DIAPH3: variants seen among roughly 807,000 people sequenced by gnomAD.
The protein encoded by DIAPH3 is protein diaphanous homolog 3.
In DIAPH3, 117 loss-of-function variants were observed where a neutral mutation model predicts 144.3. That is an observed-to-expected ratio of 0.81 (90% CI 0.70 to 0.95). DIAPH3 has a LOEUF of 0.95. Ranked by LOEUF, DIAPH3 falls within the 40% of genes least tolerant of loss-of-function variation. DIAPH3 has a pLI of 0.00. For missense variants in DIAPH3, 1,421 were observed against 1,412.7 expected (o/e 1.01, Z -0.09); for synonymous variants, 519 against 488.9 (o/e 1.06, Z -0.81).
intron 24 of DIAPH3, among the ~76,000 whole-genome samples, chr13:59,812,412 G>A: frequency 6.6e-6 from 1 of 152,122 alleles, no homozygotes; most frequent in Admixed American, 6.5e-5. Context: ...AGAGAGGAAA[G>A]GAAGGCGGAG....
intron 27 of DIAPH3, among the ~76,000 whole-genome samples, chr13:59,699,606 C>T (rs2033994214): frequency 6.6e-6 from 1 of 152,186 alleles, no homozygotes; most frequent in South Asian, 2.1e-4. Context: ...CAGTAATTCA[C>T]TCCATCTTAA....
intron 20 of DIAPH3, among the ~76,000 whole-genome samples, chr13:59,887,737 T>C (rs2045542441): frequency 6.6e-6 from 1 of 152,128 alleles, no homozygotes; most frequent in Non-Finnish European, 1.5e-5. Context: ...AGAAGTATCT[T>C]GATTTTCTAA....
intron 20 of DIAPH3, among the ~76,000 whole-genome samples, chr13:59,880,705 T>A (rs1189313588): frequency 1.3e-5 from 2 of 152,062 alleles, no homozygotes; most frequent in Non-Finnish European, 2.9e-5. Flanking sequence ...AAAGAATTAG[T>A]TCTTTGTACA....
chr13:60,154,124 A>G (rs892736322), intron 1 of DIAPH3, among the ~76,000 whole-genome samples: 7 of 152,268 alleles, frequency 4.6e-5, no homozygotes, highest in Admixed American at 4.6e-4. Flanking sequence ...TAAGTTTTCC[A>G]AGATTAGAAA....
intron 27 of DIAPH3, chr13:59,695,128 T>C (rs1040453635): frequency 4.6e-5 from 7 of 152,224 alleles, no homozygotes; most frequent in African/African-American, 1.7e-4. Flanking sequence ...TAGGCTTCAT[T>C]TGTACCTGTG....
At chr13:59,948,713 G>C (rs979962248) in intron 17 of DIAPH3, among the ~76,000 whole-genome samples, 13 of 152,142 alleles carry the variant, frequency 8.5e-5, no homozygotes, top group African/African-American at 3.1e-4. Context: ...CTCCCACCTT[G>C]GCCTCCCAAA....
At chr13:59,682,789 G>A (rs1265255577) in intron 27 of DIAPH3, among the ~76,000 whole-genome samples, 2 of 151,998 alleles carry the variant, frequency 1.3e-5, no homozygotes, top group Non-Finnish European at 2.9e-5. Context: ...AAAACATAGC[G>A]ATGCCAACTT....
chr13:59,865,430 G>A (rs551770206), intron 21 of DIAPH3, among the ~76,000 whole-genome samples: 1 of 151,888 alleles, frequency 6.6e-6, no homozygotes, highest in Non-Finnish European at 1.5e-5. Flanking sequence ...TAAAATATTT[G>A]CTTTAAAAAT....
intron 4 of DIAPH3, among the ~76,000 whole-genome samples, chr13:60,067,199 T>G (rs2057002630): frequency 6.6e-6 from 1 of 151,902 alleles, no homozygotes; most frequent in African/African-American, 2.4e-5. Flanking sequence ...GTGAAAGGAT[T>G]GCTTGAGCAT....
intron 27 of DIAPH3, among the ~76,000 whole-genome samples, chr13:59,770,562 C>T (rs1446655102): frequency 6.6e-6 from 1 of 152,060 alleles, no homozygotes; most frequent in Non-Finnish European, 1.5e-5. Context: ...CAGAAAGGAC[C>T]TCCTGAAAAA....
chr13:59,802,676 T>TTTA, intron 25 of DIAPH3, among the ~76,000 whole-genome samples: 1 of 64,106 alleles, frequency 1.6e-5, no homozygotes, highest in Non-Finnish European at 3.2e-5. Context: ...TATTTTTTTT[T>TTTA]TTTTTTTTTT....
chr13:60,034,202 T>C (rs2055023851), intron 5 of DIAPH3, among the ~76,000 whole-genome samples: 1 of 152,190 alleles, frequency 6.6e-6, no homozygotes, highest in African/African-American at 2.4e-5. Flanking sequence ...GAAACCAAAA[T>C]ATTCAGTTAA....
chr13:59,995,213 T>G (rs1353468393), intron 9 of DIAPH3, among the ~76,000 whole-genome samples: 1 of 151,780 alleles, frequency 6.6e-6, no homozygotes, highest in African/African-American at 2.4e-5. Context: ...AATTACTGAC[T>G]ACCTACAACT....
chr13:59,795,786 T>C (rs572323178), intron 25 of DIAPH3, among the ~76,000 whole-genome samples: 2 of 152,298 alleles, frequency 1.3e-5, no homozygotes, highest in Admixed American at 6.5e-5. Flanking sequence ...TGGCTTGCTA[T>C]GGTTTCACAA....
chr13:59,728,798 G>A (rs1384536890), intron 27 of DIAPH3, among the ~76,000 whole-genome samples: 3 of 152,088 alleles, frequency 2.0e-5, no homozygotes, highest in Non-Finnish European at 4.4e-5. Flanking sequence ...AAGTACTTAT[G>A]TAGATGAATT....
intron 7 of DIAPH3, chr13:60,013,012 A>G: frequency 1.0e-6 from 1 of 985,444 alleles, no homozygotes; most frequent in Non-Finnish European, 1.2e-6. Flanking sequence ...AAACAAAACA[A>G]AAACTGTTGA....
chr13:60,064,064 A>G (rs749415577), intron 4 of DIAPH3, among the ~76,000 whole-genome samples: 2 of 152,202 alleles, frequency 1.3e-5, no homozygotes, highest in African/African-American at 2.4e-5. Context: ...CGGGCTTAAA[A>G]TGTTCAGTAA....
chr13:60,045,326 T>C (rs2055996321), intron 4 of DIAPH3, among the ~76,000 whole-genome samples: 1 of 151,746 alleles, frequency 6.6e-6, no homozygotes, highest in African/African-American at 2.4e-5. Context: ...GGCAACAAGA[T>C]TGAAACTCCG....
chr13:60,067,017 G>A (rs149856214), intron 4 of DIAPH3, among the ~76,000 whole-genome samples: 124 of 152,228 alleles, frequency 8.1e-4, no homozygotes, highest in African/African-American at 2.8e-3. Context: ...GGTGGCTCAC[G>A]CCTATAATCC....
Sources: allele counts gnomAD v4.1 joint callset (sites outside exome capture counted in the v4.1 genomes callset), GRCh38; gene constraint gnomAD v4.1.1; transcripts MANE v1.5; gene names NCBI Gene and HGNC (gene_info 2026-07-23, HGNC 2026-07-21).